Variants in CPEB2 observed in about 807,000 individuals in gnomAD.
CPEB2 encodes cytoplasmic polyadenylation element binding protein 2.
A neutral mutation model predicts 93.6 loss-of-function variants in CPEB2; 56 were observed. The ratio of observed to expected loss-of-function variants is 0.60; its 90% CI spans 0.48 to 0.75. The LOEUF (loss-of-function observed/expected upper bound fraction) is 0.75, where lower values mean the gene tolerates loss of function less well. Ranked by LOEUF, CPEB2 falls within the 30% of genes least tolerant of loss-of-function variation. The pLI, the probability that CPEB2 is intolerant of heterozygous loss-of-function variation, is 0.00. For synonymous variants in CPEB2, 764 were observed against 586.3 expected (o/e 1.30, Z -4.38); for missense variants, 1,579 against 1,395.1 (o/e 1.13, Z -2.10).
In CPEB2 at chr4:15,069,973, T is replaced by C. The variant is rs543026337; in HGVS notation, c.*3593T>C. The C allele has an allele frequency of 5.3e-5, 8 of 152,360 alleles. No individual in the cohort carries two copies. In the South Asian group the frequency reaches 1.7e-3, roughly 32 times the overall value. 9.4% of individuals were successfully genotyped at this position (152,360 alleles called of 1,614,324 possible). ...GGTAAACACCTTCAGCTTAAATTTTTCGTTAAATATTTTAGTTTATTTTAT... is the reference window on the plus strand; with the variant it reads ...GGTAAACACCTTCAGCTTAAATTTTCCGTTAAATATTTTAGTTTATTTTAT... On this transcript the variant is annotated 3_prime_UTR_variant, in exon 12 of 12. Transcript: ENST00000538197.
In CPEB2 at chr4:15,007,385, T is replaced by G; in HGVS notation, c.1743T>G (p.His581Gln). 1 of 1,613,682 alleles carries G rather than the reference T, an allele frequency of 6.2e-7. No individual in the cohort carries two copies. The highest frequency in any genetic ancestry group is 8.5e-7 in the Non-Finnish European group (1 of 1,179,756). Residue 581 changes from histidine (H) to glutamine (Q), a missense_variant, in exon 2 of 12, where the codon CAT becomes CAG. His to Gln is a conservative substitution (Grantham distance 24). This residue lies in a region of CPEB2 where 1,411 missense variants were observed against 1,056.0 expected (regional missense o/e 1.34). Transcript: ENST00000538197. ...GAAGTATGTCCTGGGGAGCAATGCA[T>G]GGCAGAGATCATCGTAGAACCGGAA... ...GTGSMSWGAM[H>Q]GRDHRRTGNM...
intron 4 of CPEB2, among the ~76,000 whole-genome samples, chr4:15,024,024 T>C (rs1725135650): frequency 6.6e-6 from 1 of 152,130 alleles, no homozygotes; most frequent in Non-Finnish European, 1.5e-5. Context: ...TTTCCTGGAA[T>C]TAATCATTAT....
chr4:15,056,715 A>G (rs1367203558), intron 8 of CPEB2, among the ~76,000 whole-genome samples: 1 of 152,206 alleles, frequency 6.6e-6, no homozygotes, highest in African/African-American at 2.4e-5. Context: ...AGCAGTGACT[A>G]GAGTCCCTTA....
chr4:15,024,620 G>C (rs1725221484), intron 4 of CPEB2, among the ~76,000 whole-genome samples: 1 of 151,884 alleles, frequency 6.6e-6, no homozygotes. Flanking sequence ...ATGTGTATGT[G>C]CATACGTACC....
intron 8 of CPEB2, among the ~76,000 whole-genome samples, chr4:15,057,481 T>C (rs2702575): frequency 0.62 from 94,156 of 151,874 alleles, 29,595 homozygotes; most frequent in African/African-American, 0.7. Context: ...ATGTCTGCTT[T>C]GTACTGGGAC....
At chr4:15,016,830 T>C (rs954793243) in intron 3 of CPEB2, among the ~76,000 whole-genome samples, 4 of 151,986 alleles carry the variant, frequency 2.6e-5, no homozygotes, top group Admixed American at 2.6e-4. Context: ...TTCCTAAATA[T>C]GTGAGAAAAG....
chr4:15,009,043 G>A (rs1002708321), intron 3 of CPEB2, among the ~76,000 whole-genome samples: 4 of 152,128 alleles, frequency 2.6e-5, no homozygotes, highest in Non-Finnish European at 4.4e-5. Flanking sequence ...ACCTTTGGTG[G>A]TTACAAAATG....
At chr4:15,037,933 T>C (rs1726792222) in intron 5 of CPEB2, among the ~76,000 whole-genome samples, 1 of 152,228 alleles carries the variant, frequency 6.6e-6, no homozygotes, top group South Asian at 2.1e-4. Context: ...TTAAGAGTTA[T>C]AATGGAACAT....
rs1294145473 is a variant in CPEB2, at chr4:15,003,796, C to T, written c.1123C>T (p.Pro375Ser). The T allele has an allele frequency of 1.4e-5, 15 of 1,059,480 alleles. No individual in the cohort carries two copies. In the East Asian group the frequency reaches 1.6e-4, roughly 11 times the overall value. The allele number at this position is 1,059,480 out of a possible 1,614,324, so 65.6% of individuals were successfully genotyped here. A position where few individuals can be genotyped will look rare whatever the true frequency, so the allele number is the denominator to read the frequency against. The part of the protein sequence containing the change: ...GGGGGSASPP[P>S]LPGFGTPWSV... ...GGGAGGCGGCTCCGCGTCGCCGCCG[C>T]CGCTGCCCGGCTTCGGCACCCCCTG... Residue 375 changes from proline (P) to serine (S), a missense_variant, in exon 1 of 12, where the codon CCG becomes TCG. This residue lies in a region of CPEB2 where 1,411 missense variants were observed against 1,056.0 expected (regional missense o/e 1.34). Coordinates refer to ENST00000538197, the MANE Select transcript of CPEB2 (RefSeq NM_001177382.2).
chr4:15,026,796 A>T (rs1725525628), intron 4 of CPEB2, among the ~76,000 whole-genome samples: 1 of 152,208 alleles, frequency 6.6e-6, no homozygotes, highest in African/African-American at 2.4e-5. Flanking sequence ...ATAGTTGAAC[A>T]TTTAGGTATT....
intron 10 of CPEB2, among the ~76,000 whole-genome samples, chr4:15,059,711 T>C (rs1729019865): frequency 6.6e-6 from 1 of 152,126 alleles, no homozygotes; most frequent in South Asian, 2.1e-4. Flanking sequence ...AGTAGCACTT[T>C]AGATAAGTGA....
At chr4:15,059,937 A>G (rs1264844742) in intron 10 of CPEB2, among the ~76,000 whole-genome samples, 1 of 152,180 alleles carries the variant, frequency 6.6e-6, no homozygotes, top group Non-Finnish European at 1.5e-5. Flanking sequence ...GGAAATACTT[A>G]TAGAATATGA....
In CPEB2 at chr4:15,032,443, T is replaced by C. The variant is rs182264616; in HGVS notation, c.2126-718T>C. ...CACAGAATGTTTCATGCATACCTTT[T>C]TTCTTCTCCACAGCAGTTTGTAATA... On this transcript the variant is annotated intron_variant, in intron 4 of 11. Coordinates refer to ENST00000538197, the MANE Select transcript of CPEB2 (RefSeq NM_001177382.2). 1.8e-3 allele frequency among the ~76,000 whole-genome samples: 271 copies of C among 152,324 alleles called. 1 individual carries two copies. Among genetic ancestry groups the C allele is most frequent in the Admixed American group, 7.9e-3 (121 of 15,300 alleles).
chr4:15,059,324 T>C (rs768775582), intron 10 of CPEB2, 23 bp downstream of exon 10: 1 of 1,465,188 alleles, frequency 6.8e-7, no homozygotes, highest in East Asian at 2.3e-5. Flanking sequence ...TTAACAATTT[T>C]GTTTAAAAAA....
chr4:15,062,172 G>A lies in CPEB2; in HGVS notation c.2789G>A (p.Gly930Glu). 1 of 1,612,914 alleles carries A rather than the reference G, an allele frequency of 6.2e-7. No homozygotes were observed. The highest frequency in any genetic ancestry group is 8.5e-7 in the Non-Finnish European group (1 of 1,179,334). Reference sequence around the variant, plus strand: ...GAGCTAAAATACCCAAAAGGTGCTGGGCGAGTTGCTTTCTCCAATCAGCAG... The same window carrying A: ...GAGCTAAAATACCCAAAAGGTGCTGAGCGAGTTGCTTTCTCCAATCAGCAG... ...DPELKYPKGA[G>E]RVAFSNQQSY... Residue 930 changes from glycine to glutamate, a missense_variant, in exon 11 of 12, where the codon GGG (glycine) becomes GAG (glutamate). This residue lies in a region of CPEB2 where 168 missense variants were observed against 339.1 expected (regional missense o/e 0.50). Coordinates refer to ENST00000538197, the MANE Select transcript of CPEB2 (RefSeq NM_001177382.2).
Position 15,003,145 on chromosome 4 carries a change from T to G in CPEB2, c.472T>G (p.Cys158Gly), listed in dbSNP as rs775420996. 2.0e-6 allele frequency: 3 copies of G among 1,533,240 alleles called. No homozygotes were observed. The highest frequency in any genetic ancestry group is 3.9e-5 in the Admixed American group (2 of 50,752). 95.0% of individuals were successfully genotyped at this position (1,533,240 alleles called of 1,614,324 possible). A position where few individuals can be genotyped will look rare whatever the true frequency, so the allele number is the denominator to read the frequency against. Reference sequence around the variant, plus strand: ...CTCCTCCGCCTCCTCCTGCTGCTGCTGCCGCACCTCCTCCCCGCAGGACTT... The same window carrying G: ...CTCCTCCGCCTCCTCCTGCTGCTGCGGCCGCACCTCCTCCCCGCAGGACTT... Reference protein sequence around the residue: ...SSSSASSCCCCRTSSPQDFSK... With the variant: ...SSSSASSCCCGRTSSPQDFSK... Residue 158 changes from cysteine to glycine, a missense_variant, in exon 1 of 12, where the codon TGC becomes GGC. Coordinates refer to ENST00000538197, the MANE Select transcript of CPEB2 (RefSeq NM_001177382.2).
intron 5 of CPEB2, among the ~76,000 whole-genome samples, chr4:15,035,157 T>C (rs1356150701): frequency 6.6e-6 from 1 of 152,202 alleles, no homozygotes; most frequent in Admixed American, 6.5e-5. Flanking sequence ...AGAGCTAATA[T>C]TGTTAGCTTT....
rs1729801235 is a variant in CPEB2 at position 15,067,756 on chromosome 4, TTGC to T, written c.*1378_*1380del. ...GACAATGGTGAAATCTGGCTTGAAC[TTGC>T]TTATGTGTTTAACCTATAAATATTG... is the stretch of plus-strand genomic sequence containing the variant. On this transcript the variant is annotated 3_prime_UTR_variant, in exon 12 of 12. Transcript: ENST00000538197. The T allele has an allele frequency of 6.6e-6, 1 of 152,424 alleles. No homozygotes were observed. Among genetic ancestry groups the T allele is most frequent in the African/African-American group, 2.4e-5 (1 of 41,420 alleles). 9.4% of individuals were successfully genotyped at this position (152,424 alleles called of 1,614,324 possible). A position where few individuals can be genotyped will look rare whatever the true frequency, so the allele number is the denominator to read the frequency against.
At chr4:15,022,206 TAA>T (rs1409125958) in intron 4 of CPEB2, among the ~76,000 whole-genome samples, 1 of 152,104 alleles carries the variant, frequency 6.6e-6, no homozygotes, top group Admixed American at 6.6e-5. Context: ...AACTCTGGTA[TAA>T]GAGAGCAATG....
Sources: gnomAD v4.1 joint callset for allele counts (sites outside exome capture counted in the v4.1 genomes callset) on GRCh38, gnomAD v4.1.1 for gene constraint, gnomAD v4.1.1 regional missense constraint, MANE v1.5 for transcripts, NCBI Gene and HGNC (gene_info 2026-07-23, HGNC 2026-07-21) for gene names.